Variants in GNB5 observed in about 807,000 individuals in gnomAD.
GNB5 encodes G protein subunit beta 5.
Under a neutral mutation model 55.3 loss-of-function variants are expected in GNB5, and 37 were observed. That is an observed-to-expected ratio of 0.67 (90% CI 0.51 to 0.88). The LOEUF (loss-of-function observed/expected upper bound fraction) is 0.88, where lower values mean the gene tolerates loss of function less well. Among genes scored for constraint, GNB5 ranks in the 40% least tolerant of loss-of-function variants. The pLI, the probability that GNB5 is intolerant of heterozygous loss-of-function variation, is 0.00. For missense variants in GNB5, 476 were observed against 515.3 expected (o/e 0.92, Z 0.74); for synonymous variants, 219 against 198.5 (o/e 1.10, Z -0.87).
intron 3 of GNB5, among the ~76,000 whole-genome samples, chr15:52,176,247 G>C (rs1453584101): frequency 6.6e-6 from 1 of 152,114 alleles, no homozygotes; most frequent in African/African-American, 2.4e-5. Flanking sequence ...GCTCAATGGG[G>C]AGCCCTGCAA....
At chr15:52,176,907 T>A (rs557234742) in intron 3 of GNB5, among the ~76,000 whole-genome samples, 13 of 152,160 alleles carry the variant, frequency 8.5e-5, no homozygotes, top group African/African-American at 2.9e-4. Context: ...GCTCCCAGCA[T>A]AACCTGCAGC....
Position 52,122,461 on chromosome 15 carries a change from T to C in GNB5, c.*296A>G, listed in dbSNP as rs2033294187. ...CTGCTGAATTCTACTGGTGACAGAATGAGTTGAGGCTACTATAATTTAGAA... is the reference window on the plus strand; with the variant it reads ...CTGCTGAATTCTACTGGTGACAGAACGAGTTGAGGCTACTATAATTTAGAA... On this transcript the variant is annotated 3_prime_UTR_variant, in exon 13 of 13. Coordinates refer to ENST00000261837, the MANE Select transcript of GNB5 (RefSeq NM_016194.4). The C allele has an allele frequency of 2.8e-6, 1 of 362,008 alleles. No individual in the cohort carries two copies. Among genetic ancestry groups the C allele is most frequent in the Non-Finnish European group, 5.0e-6 (1 of 200,404 alleles). The allele number at this position is 362,008 out of a possible 1,614,324, so 22.4% of individuals were successfully genotyped here.
At chr15:52,174,791 C>A (rs1330966547) in intron 3 of GNB5, among the ~76,000 whole-genome samples, 1 of 152,090 alleles carries the variant, frequency 6.6e-6, no homozygotes, top group Non-Finnish European at 1.5e-5. Context: ...ATTTTAAAAC[C>A]TAGGGTCTGG....
intron 4 of GNB5, among the ~76,000 whole-genome samples, chr15:52,153,349 C>T (rs1446938177): frequency 6.6e-6 from 1 of 152,216 alleles, no homozygotes; most frequent in African/African-American, 2.4e-5. Context: ...CCCCGACCAA[C>T]ATCTTCACAC....
chr15:52,146,112 G>A (rs911319909), intron 6 of GNB5, among the ~76,000 whole-genome samples: 9 of 151,630 alleles, frequency 5.9e-5, no homozygotes, highest in Admixed American at 3.9e-4. Context: ...ACCCGCCACC[G>A]TGCCCGGCTA....
rs74887317 is a variant in GNB5, at chr15:52,185,005, A to G, written c.-18-311T>C. 0.013 allele frequency among the ~76,000 whole-genome samples: 1,951 copies of G among 152,352 alleles called. 36 individuals carry two copies. The highest frequency in any genetic ancestry group is 0.045 in the African/African-American group (1,875 of 41,570). On this transcript the variant is annotated intron_variant, in intron 1 of 12. Coordinates refer to ENST00000261837, the MANE Select transcript of GNB5 (RefSeq NM_016194.4). ...AATATCAATTCTGTGGGGTTTCACA[A>G]TGGAAAACGTTTTTGTAATGGATGC...
At chr15:52,188,612 G>A (rs927228916) in intron 1 of GNB5, among the ~76,000 whole-genome samples, 2 of 152,118 alleles carry the variant, frequency 1.3e-5, no homozygotes, top group African/African-American at 4.8e-5. Flanking sequence ...ATGTTTCGAT[G>A]AGCATTTTGA....
At chr15:52,165,943 C>T (rs1352768101) in intron 3 of GNB5, among the ~76,000 whole-genome samples, 1 of 152,050 alleles carries the variant, frequency 6.6e-6, no homozygotes, top group East Asian at 1.9e-4. Context: ...TATTCAAGAG[C>T]CCCATCTCAC....
At chr15:52,180,219 G>GA (rs1244064591) in intron 2 of GNB5, 4 of 170,422 alleles carry the variant, frequency 2.3e-5, no homozygotes, top group African/African-American at 9.5e-5. Flanking sequence ...GCCAAGCCGG[G>GA]ATTCCAACTC....
intron 5 of GNB5, 23 bp from the exon 6 acceptor site, chr15:52,147,558 C>A (rs568961518): frequency 3.9e-6 from 5 of 1,277,038 alleles, no homozygotes; most frequent in Admixed American, 2.3e-5. Context: ...ACAGAGTGAA[C>A]AACTAGCACT....
chr15:52,124,524 A>G lies in GNB5; in HGVS notation c.1125T>C (p.Val375=), dbSNP rs748572863. The change falls in exon 12 of 13, where the codon GTT becomes GTC. Residue 375 remains valine, a synonymous_variant. Coordinates refer to ENST00000261837, the MANE Select transcript of GNB5 (RefSeq NM_016194.4). ...GHENRVSTLR[V]SPDGTAFCSG... ...AGCAGAAAGCAGTCCCATCGGGGGA[A>G]ACTCGTAGAGTGCTAACGCGGTTTT... 6.8e-6 allele frequency: 11 copies of G among 1,613,920 alleles called. 1 individual carries two copies. The highest frequency in any genetic ancestry group is 5.0e-5 in the Admixed American group (3 of 60,008).
intron 11 of GNB5, chr15:52,125,069 G>C (rs890444883): frequency 6.4e-6 from 1 of 156,928 alleles, no homozygotes; most frequent in African/African-American, 2.4e-5. Context: ...AGAAGGCAGG[G>C]AAAAGATGTT....
chr15:52,139,140 G>A (rs2033794285), intron 7 of GNB5: 2 of 152,172 alleles, frequency 1.3e-5, no homozygotes, highest in African/African-American at 2.4e-5. Flanking sequence ...ATGAAGCTTT[G>A]TGTTAATAAT....
intron 10 of GNB5, among the ~76,000 whole-genome samples, chr15:52,126,855 C>T (rs4776006): frequency 0.027 from 4,075 of 152,120 alleles, 71 homozygotes; most frequent in Middle Eastern, 0.051. Flanking sequence ...AGTGCAATGG[C>T]GCTATCTTGG....
Position 52,121,524 on chromosome 15 carries a change from A to G in GNB5, c.*1233T>C, listed in dbSNP as rs200684703. ...GATCTTCTTTTAATATCGTTTTTCT[A>G]TGTAAGAGGAGCAGACGTTATTATT... On this transcript the variant is annotated 3_prime_UTR_variant, in exon 13 of 13. Transcript: ENST00000261837. 4 of 97,122 alleles carry G rather than the reference A, an allele frequency of 4.1e-5. No homozygotes were observed. The highest frequency in any genetic ancestry group is 1.5e-4 in the African/African-American group (4 of 25,902). The allele number at this position is 97,122 out of a possible 1,614,324, so 6.0% of individuals were successfully genotyped here. A position where few individuals can be genotyped will look rare whatever the true frequency, so the allele number is the denominator to read the frequency against.
intron 10 of GNB5, among the ~76,000 whole-genome samples, chr15:52,126,501 G>A (rs946214098): frequency 6.6e-6 from 1 of 152,094 alleles, no homozygotes; most frequent in East Asian, 1.9e-4. Flanking sequence ...TTTCATTATT[G>A]CTTTTATTAA....
chr15:52,153,793 G>A (rs2034149784), intron 4 of GNB5, 147 bp downstream of exon 4: 1 of 635,228 alleles, frequency 1.6e-6, no homozygotes, highest in South Asian at 2.6e-5. Flanking sequence ...TAATATGTAA[G>A]AGAGTTCTTT....
rs546269747 is a variant in GNB5, at chr15:52,145,412, G to C, written c.494+2047C>G. 1.7e-4 allele frequency among the ~76,000 whole-genome samples: 26 copies of C among 152,042 alleles called. No individual in the cohort carries two copies. The South Asian group carries it at 4.6e-3, about 27-fold the overall frequency. ...CTCAACACTTTGGGAGGCTGAGGCA[G>C]GCAGATCACTTGATGTCAGGAGTTC... On this transcript the variant is annotated intron_variant, in intron 6 of 12. Transcript: ENST00000261837.
chr15:52,164,446 G>A (rs1260218531), intron 3 of GNB5, among the ~76,000 whole-genome samples: 9 of 151,210 alleles, frequency 6.0e-5, no homozygotes, highest in Non-Finnish European at 8.8e-5. Flanking sequence ...GTGAAACCCC[G>A]TCTCTACTGA....
Sources: allele counts gnomAD v4.1 joint callset (sites outside exome capture counted in the v4.1 genomes callset), GRCh38; gene constraint gnomAD v4.1.1; transcripts MANE v1.5; gene names NCBI Gene and HGNC (gene_info 2026-07-23, HGNC 2026-07-21).